The following TRIP13 variants were observed in gnomAD, a reference collection of about 807,000 sequenced individuals.
The protein encoded by TRIP13 is thyroid hormone receptor interactor 13, also known as pachytene checkpoint protein 2 homolog.
A neutral mutation model predicts 54.4 loss-of-function variants in TRIP13; 25 were observed. That is an observed-to-expected ratio of 0.46 (90% CI 0.33 to 0.64). TRIP13 has a LOEUF of 0.64. Among genes scored for constraint, TRIP13 ranks in the 30% least tolerant of loss-of-function variants. The pLI is 0.02. For missense variants in TRIP13, 373 were observed against 534.2 expected, an observed-to-expected ratio of 0.70 and a Z score of 2.97; for synonymous variants, 207 against 207.8, an observed-to-expected ratio of 1.00 and a Z score of 0.03.
rs1754327319 is a variant in TRIP13, at chr5:915,679, A to T, written c.1134-225A>T. Among the ~76,000 whole-genome samples, 1 of 152,170 alleles carries T rather than the reference A, an allele frequency of 6.6e-6. No individual in the cohort carries two copies. Among genetic ancestry groups the T allele is most frequent in the Non-Finnish European group, 1.5e-5 (1 of 68,014 alleles). ...ACACTGCCTCCCAGAGCAGGAGCTGAGGATGGGGAGAGACCGGCCCCATAC... is the reference window on the plus strand; with the variant it reads ...ACACTGCCTCCCAGAGCAGGAGCTGTGGATGGGGAGAGACCGGCCCCATAC... On this transcript the variant is annotated intron_variant, in intron 11 of 12. Transcript: ENST00000166345. This position sits in a 1 kb window ranked among gnomAD's most constrained non-coding sequence, Gnocchi z 4.2.
In TRIP13 at chr5:908,287, G is replaced by A. The variant is rs1018390151; in HGVS notation, c.760-68G>A. 1.9e-5 allele frequency: 30 copies of A among 1,547,664 alleles called. No homozygotes were observed. The highest frequency in any genetic ancestry group is 2.2e-5 in the South Asian group (2 of 89,858). On this transcript the variant is annotated intron_variant, in intron 8 of 12. Transcript: ENST00000166345. This position sits in a 1 kb window ranked among gnomAD's most constrained non-coding sequence, Gnocchi z 5.2. ...ATCTTTTTCACGTGCTCAGCGGGAC[G>A]TATCCCCATAGCTGCCTGTGAAGTG... is the stretch of plus-strand genomic sequence containing the variant.
rs1204442747 is a variant in TRIP13 at position 915,561 on chromosome 5, T to TC, written c.1134-340dup. 2.0e-5 allele frequency among the ~76,000 whole-genome samples: 3 copies of TC among 150,714 alleles called. No homozygotes were observed. The highest frequency in any genetic ancestry group is 3.0e-5 in the Non-Finnish European group (2 of 67,414). On this transcript the variant is annotated intron_variant, in intron 11 of 12. Transcript: ENST00000166345. The surrounding 1 kb of genome is among the most constrained non-coding windows in gnomAD (Gnocchi z 4.2). ...AGGATGCTGGCCCTGGGGCAGAGGC[T>TC]CCCGGGCAGGTGATGCCTTCCCTGA...
chr5:915,796 G>C lies in TRIP13; in HGVS notation c.1134-108G>C. ...CCCTGTGAACCCAGGGTGTGCTTGGGACGCCTCGGCTTGTGTTCCCAGGGA... is the reference window on the plus strand; with the variant it reads ...CCCTGTGAACCCAGGGTGTGCTTGGCACGCCTCGGCTTGTGTTCCCAGGGA... On this transcript the variant is annotated intron_variant, in intron 11 of 12. Coordinates refer to ENST00000166345, the MANE Select transcript of TRIP13 (RefSeq NM_004237.4). The surrounding 1 kb of genome is among the most constrained non-coding windows in gnomAD (Gnocchi z 4.2). The C allele has an allele frequency of 8.7e-7, 1 of 1,147,866 alleles. No homozygotes were observed. The highest frequency in any genetic ancestry group is 1.3e-5 in the South Asian group (1 of 77,608). 71.1% of individuals were successfully genotyped at this position (1,147,866 alleles called of 1,614,324 possible).
Position 910,229 on chromosome 5 carries a change from G to A in TRIP13, c.867-1614G>A, listed in dbSNP as rs192359580. On this transcript the variant is annotated intron_variant, in intron 9 of 12. Coordinates refer to ENST00000166345, the MANE Select transcript of TRIP13 (RefSeq NM_004237.4). ...TTCTCTTTCTGGAACTTTGCACAGC[G>A]CTGACACCCTGATGGCCCCTTCCCT... is the stretch of plus-strand genomic sequence containing the variant. Among the ~76,000 whole-genome samples the A allele has an allele frequency of 3.3e-5, 5 of 152,286 alleles. No individual in the cohort carries two copies. The East Asian group carries it at 7.7e-4, about 23-fold the overall frequency.
rs1365842951 is a variant in TRIP13 at position 912,298 on chromosome 5, C to T, written c.1020+302C>T. On this transcript the variant is annotated intron_variant, in intron 10 of 12. Coordinates refer to ENST00000166345, the MANE Select transcript of TRIP13 (RefSeq NM_004237.4). The surrounding 1 kb of genome is among the most constrained non-coding windows in gnomAD (Gnocchi z 7.2). ...GTGTTTACCTGGCTGGCTGCACAAA[C>T]CTTAGTTCTCAGCTTACCCCGGGCT... is the stretch of plus-strand genomic sequence containing the variant. Among the ~76,000 whole-genome samples the T allele has an allele frequency of 6.6e-6, 1 of 151,786 alleles. No homozygotes were observed. Among genetic ancestry groups the T allele is most frequent in the Non-Finnish European group, 1.5e-5 (1 of 67,974 alleles).
Position 908,530 on chromosome 5 carries a change from C to T in TRIP13, c.866+69C>T. 1 of 1,596,752 alleles carries T rather than the reference C, an allele frequency of 6.3e-7. No individual in the cohort carries two copies. The highest frequency in any genetic ancestry group is 1.1e-5 in the South Asian group (1 of 90,276). The stretch of plus-strand genomic sequence containing the variant: ...GTTTGTCCCAAAGAAATGCGTGATA[C>T]TTGTGCAACCCTAGATCTTAGTGCC... On this transcript the variant is annotated intron_variant, in intron 9 of 12. Transcript: ENST00000166345. The surrounding 1 kb of genome is among the most constrained non-coding windows in gnomAD (Gnocchi z 5.2).
At chr5:918,426 C>T (rs917524098), downstream of TRIP13, among the ~76,000 whole-genome samples, 1 of 152,204 alleles carries the variant, frequency 6.6e-6, no homozygotes, top group African/African-American at 2.4e-5. The surrounding 1 kb of genome is among the most constrained non-coding windows in gnomAD (Gnocchi z 4.3). Context: ...ACAGCTCCCC[C>T]ACCTCCACTC....
At position 912,190 on chromosome 5, in the gene TRIP13, A is replaced by G. The variant is rs185169015; in HGVS notation, c.1020+194A>G. Among the ~76,000 whole-genome samples the G allele has an allele frequency of 1.3e-5, 2 of 152,168 alleles. No homozygotes were observed. Among genetic ancestry groups the G allele is most frequent in the East Asian group, 3.9e-4 (2 of 5,174 alleles). ...TTGAAACTAGGGCCACTGACTCAAT[A>G]TTTTTGTTCTTTTGGCACAATACAG... On this transcript the variant is annotated intron_variant, in intron 10 of 12. Coordinates refer to ENST00000166345, the MANE Select transcript of TRIP13 (RefSeq NM_004237.4). This position sits in a 1 kb window ranked among gnomAD's most constrained non-coding sequence, Gnocchi z 7.2.
intron 5 of TRIP13, among the ~76,000 whole-genome samples, chr5:903,411 A>G (rs1164322462): frequency 6.6e-6 from 1 of 152,100 alleles, no homozygotes; most frequent in East Asian, 1.9e-4. Context: ...GGATTATTAT[A>G]ATATTGGAAT....
At chr5:916,788 G>GC (rs1306046765) in intron 12 of TRIP13, among the ~76,000 whole-genome samples, 28 of 149,306 alleles carry the variant, frequency 1.9e-4, no homozygotes, top group African/African-American at 6.7e-4. Flanking sequence ...GGACATGGCG[G>GC]GGGCGGGGGT....
chr5:900,286 A>G (rs1753954485), intron 3 of TRIP13, among the ~76,000 whole-genome samples: 1 of 152,234 alleles, frequency 6.6e-6, no homozygotes, highest in Non-Finnish European at 1.5e-5. Flanking sequence ...GTTACATGTG[A>G]CTGGCATTTA....
intron 4 of TRIP13, 51 bp downstream of exon 4, chr5:900,600 A>G (rs981194074): frequency 6.3e-7 from 1 of 1,594,472 alleles, no homozygotes; most frequent in Non-Finnish European, 8.5e-7. Context: ...AAGAGGAACC[A>G]TTACTGTTTT....
chr5:894,996 C>A, intron 2 of TRIP13, 44 bp downstream of exon 2: 1 of 1,556,994 alleles, frequency 6.4e-7, no homozygotes, highest in Non-Finnish European at 8.7e-7. Context: ...TAGCTGAATA[C>A]AAAAGGTTGT....
intron 5 of TRIP13, among the ~76,000 whole-genome samples, chr5:903,521 C>G (rs954809702): frequency 5.9e-5 from 9 of 152,044 alleles, no homozygotes; most frequent in Non-Finnish European, 1.0e-4. Context: ...TTTTATTATA[C>G]TGGAACAGCT....
At position 907,635 on chromosome 5, in the gene TRIP13, G is replaced by A. The variant is rs1754143476; in HGVS notation, c.673-353G>A. 1.3e-5 allele frequency among the ~76,000 whole-genome samples: 2 copies of A among 152,244 alleles called. No homozygotes were observed. The highest frequency in any genetic ancestry group is 2.9e-5 in the Non-Finnish European group (2 of 68,042). On this transcript the variant is annotated intron_variant, in intron 7 of 12. Coordinates refer to ENST00000166345, the MANE Select transcript of TRIP13 (RefSeq NM_004237.4). The surrounding 1 kb of genome is among the most constrained non-coding windows in gnomAD (Gnocchi z 4.1). Reference sequence around the variant, plus strand: ...GACCAGGCACGCTGGGCACAGGAGAGCCTGTGAGGAGTGCATCCCAGCCTG... The same window carrying A: ...GACCAGGCACGCTGGGCACAGGAGAACCTGTGAGGAGTGCATCCCAGCCTG...
Position 917,919 on chromosome 5 carries a change from T to C in TRIP13, c.*816T>C, listed in dbSNP as rs1176004060. On this transcript the variant is annotated 3_prime_UTR_variant, in exon 13 of 13. Transcript: ENST00000166345. ...TACTGGTCTCTTTCTCCGAATGTTATGTTTTGCTTTTATCTCACAGTAAAA... is the reference window on the plus strand; with the variant it reads ...TACTGGTCTCTTTCTCCGAATGTTACGTTTTGCTTTTATCTCACAGTAAAA... The C allele has an allele frequency of 6.6e-6, 1 of 152,160 alleles. No homozygotes were observed. The highest frequency in any genetic ancestry group is 2.4e-5 in the African/African-American group (1 of 41,444). The allele number at this position is 152,160 out of a possible 1,614,324, so 9.4% of individuals were successfully genotyped here.
rs1317947142 is a variant in TRIP13 at position 900,488 on chromosome 5, T to C, written c.389-6T>C. ...GAAATCAGGTCTTTGTTTAATTCTG[T>C]CACAGCTGAATTCCATGGGCTTTGG... On this transcript the variant is annotated splice_polypyrimidine_tract_variant and splice_region_variant and intron_variant, in intron 3 of 12. Coordinates refer to ENST00000166345, the MANE Select transcript of TRIP13 (RefSeq NM_004237.4). The C allele has an allele frequency of 1.2e-6, 2 of 1,612,928 alleles. No individual in the cohort carries two copies. Among genetic ancestry groups the C allele is most frequent in the Non-Finnish European group, 1.7e-6 (2 of 1,179,810 alleles).
In TRIP13 at chr5:893,155, G is replaced by A; in HGVS notation, c.92+65G>A. 2.6e-6 allele frequency: 3 copies of A among 1,149,508 alleles called. No homozygotes were observed. The South Asian group carries it at 4.0e-5, about 15-fold the overall frequency. 71.2% of individuals were successfully genotyped at this position (1,149,508 alleles called of 1,614,324 possible). The stretch of plus-strand genomic sequence containing the variant: ...CCGCCCCGACCCCAGCGCGTGCACC[G>A]AGCCCCGACCCCAGCGCACTGATTC... On this transcript the variant is annotated intron_variant, in intron 1 of 12. Coordinates refer to ENST00000166345, the MANE Select transcript of TRIP13 (RefSeq NM_004237.4).
Position 907,549 on chromosome 5 carries a change from C to T in TRIP13, c.672+356C>T, listed in dbSNP as rs1754140900. ...AGGTGATGTCACATGTGATTCTTACCTCTGAGGAGCTGTGCCCAAGTCACC... is the reference window on the plus strand; with the variant it reads ...AGGTGATGTCACATGTGATTCTTACTTCTGAGGAGCTGTGCCCAAGTCACC... On this transcript the variant is annotated intron_variant, in intron 7 of 12. Coordinates refer to ENST00000166345, the MANE Select transcript of TRIP13 (RefSeq NM_004237.4). This position sits in a 1 kb window ranked among gnomAD's most constrained non-coding sequence, Gnocchi z 4.1. Among the ~76,000 whole-genome samples, 1 of 152,256 alleles carries T rather than the reference C, an allele frequency of 6.6e-6. No individual in the cohort carries two copies. Among genetic ancestry groups the T allele is most frequent in the African/African-American group, 2.4e-5 (1 of 41,474 alleles).
Sources: gnomAD v4.1 joint callset for allele counts (sites outside exome capture counted in the v4.1 genomes callset) on GRCh38, gnomAD v4.1.1 for gene constraint, Gnocchi (gnomAD v3.1) non-coding constraint, MANE v1.5 for transcripts, NCBI Gene and HGNC (gene_info 2026-07-23, HGNC 2026-07-21) for gene names.